Variants in PKP4 observed in about 807,000 individuals in gnomAD.
PKP4 encodes plakophilin 4.
Under a neutral mutation model 145.1 loss-of-function variants are expected in PKP4, and 90 were observed. The ratio of observed to expected loss-of-function variants is 0.62; its 90% CI spans 0.52 to 0.74. The LOEUF (loss-of-function observed/expected upper bound fraction) is 0.74, where lower values mean the gene tolerates loss of function less well. Ranked by LOEUF, PKP4 falls within the 30% of genes least tolerant of loss-of-function variation. The pLI is 0.00. For synonymous variants in PKP4, 563 were observed against 577.2 expected, an observed-to-expected ratio of 0.98 and a Z score of 0.35; for missense variants, 1,340 against 1,482.7, an observed-to-expected ratio of 0.90 and a Z score of 1.58.
At chr2:158,479,480 T>C (rs1693017467) in intron 1 of PKP4, among the ~76,000 whole-genome samples, 1 of 152,308 alleles carries the variant, frequency 6.6e-6, no homozygotes, top group South Asian at 2.1e-4. Context: ...CGCCTTAGCC[T>C]CCCAAAGTGC....
intron 4 of PKP4, among the ~76,000 whole-genome samples, chr2:158,606,348 A>T (rs893574246): frequency 6.6e-6 from 1 of 152,050 alleles, no homozygotes; most frequent in African/African-American, 2.4e-5. Context: ...CAAAAAAAAA[A>T]ATAATAATAA....
chr2:158,663,614 C>T (rs1192025536), intron 15 of PKP4, among the ~76,000 whole-genome samples, 169 bp downstream of exon 15: 2 of 152,164 alleles, frequency 1.3e-5, no homozygotes, highest in Admixed American at 6.5e-5. Flanking sequence ...CAAGCAGTTG[C>T]TCTGGGGATA....
intron 9 of PKP4, among the ~76,000 whole-genome samples, chr2:158,639,341 TGC>T (rs1553468394): frequency 1.3e-5 from 2 of 151,738 alleles, no homozygotes; most frequent in Non-Finnish European, 2.9e-5. Flanking sequence ...TGTGTGTGTG[TGC>T]GTGCGTGTGT....
chr2:158,483,447 A>C (rs1693677117), intron 1 of PKP4, among the ~76,000 whole-genome samples: 1 of 151,598 alleles, frequency 6.6e-6, no homozygotes, highest in South Asian at 2.1e-4. Flanking sequence ...CTGTTTCTAA[A>C]CTTTGATGAT....
intron 17 of PKP4, 30 bp downstream of exon 17, chr2:158,669,945 T>C: frequency 5.1e-6 from 8 of 1,558,236 alleles, no homozygotes; most frequent in Non-Finnish European, 5.3e-6. Context: ...GTGCAAGCAG[T>C]GCTCTTATTC....
At chr2:158,627,804 G>A (rs565731879) in intron 7 of PKP4, among the ~76,000 whole-genome samples, 4 of 151,358 alleles carry the variant, frequency 2.6e-5, no homozygotes, top group East Asian at 1.9e-4. Context: ...TGGAATCACC[G>A]TAATAATAGC....
At chr2:158,468,770 C>CTT (rs58577988) in intron 1 of PKP4, among the ~76,000 whole-genome samples, 72,701 of 109,838 alleles carry the variant, frequency 0.66, 25,345 homozygotes, top group East Asian at 0.86. Context: ...TCTTCTTCTT[C>CTT]TTTTTTTTTT....
Position 158,576,279 on chromosome 2 carries a change from GGTT to G in PKP4, c.133-988_133-986del, listed in dbSNP as rs1331611961. Among the ~76,000 whole-genome samples the G allele has an allele frequency of 2.9e-4, 44 of 152,186 alleles. No individual in the cohort carries two copies. In the South Asian group the frequency reaches 5.8e-3, roughly 20 times the overall value. On this transcript the variant is annotated intron_variant, in intron 2 of 21. Transcript: ENST00000389759. ...ACATATAATCATAAATAATATTTTA[GGTT>G]GTTTTATTTCTGAATAGTTTCTAGA...
At chr2:158,466,780 A>T (rs1210345224) in intron 1 of PKP4, among the ~76,000 whole-genome samples, 1 of 152,246 alleles carries the variant, frequency 6.6e-6, no homozygotes, top group African/African-American at 2.4e-5. Context: ...GATTATAACC[A>T]TAGTGAGATG....
chr2:158,629,537 A>C (rs79005924), intron 7 of PKP4, among the ~76,000 whole-genome samples: 6,461 of 152,182 alleles, frequency 0.042, 197 homozygotes, highest in Non-Finnish European at 0.061. Flanking sequence ...TGATTCGTTT[A>C]GTTTCTTTCC....
chr2:158,580,685 T>C (rs944781618), intron 3 of PKP4, among the ~76,000 whole-genome samples: 2 of 152,114 alleles, frequency 1.3e-5, no homozygotes, highest in Admixed American at 6.5e-5. Flanking sequence ...TATTATGAAA[T>C]TTTAAGGGTT....
intron 1 of PKP4, among the ~76,000 whole-genome samples, chr2:158,462,246 C>T (rs1689882328): frequency 6.6e-6 from 1 of 152,054 alleles, no homozygotes; most frequent in Non-Finnish European, 1.5e-5. Context: ...ACCTTATTAC[C>T]TTGACAAACC....
chr2:158,523,595 G>T (rs1011093644), intron 1 of PKP4, among the ~76,000 whole-genome samples: 1 of 115,088 alleles, frequency 8.7e-6, no homozygotes. Flanking sequence ...CCAAAGGAAC[G>T]CAGTTCCTCA....
intron 19 of PKP4, 65 bp downstream of exon 19, chr2:158,674,065 GAGA>G: frequency 1.1e-6 from 1 of 917,768 alleles, no homozygotes; most frequent in South Asian, 1.3e-5. Flanking sequence ...TCCCCAGCCA[GAGA>G]AGATCAAACA....
At chr2:158,471,192 G>A (rs4664963) in intron 1 of PKP4, among the ~76,000 whole-genome samples, 138,207 of 152,200 alleles carry the variant, frequency 0.91, 62,840 homozygotes, top group East Asian at 0.98. Flanking sequence ...GGACTTAAGC[G>A]TGGTAATGGA....
At chr2:158,680,124 G>A (rs2058340429) in intron 21 of PKP4, among the ~76,000 whole-genome samples, 1 of 152,198 alleles carries the variant, frequency 6.6e-6, no homozygotes, top group South Asian at 2.1e-4. Flanking sequence ...GCACACAGCA[G>A]GGCCTCCAGT....
Position 158,495,307 on chromosome 2 carries a change from G to T in PKP4, c.-5-37873G>T, listed in dbSNP as rs183973382. On this transcript the variant is annotated intron_variant, in intron 1 of 21. Transcript: ENST00000389759. The stretch of plus-strand genomic sequence containing the variant: ...ATGATAAAACCTCATGTGGATGAGC[G>T]TTGGCAAGTTGGACTCACATTGCTA... Among the ~76,000 whole-genome samples the T allele has an allele frequency of 1.1e-3, 173 of 150,752 alleles. 1 individual carries two copies. The highest frequency in any genetic ancestry group is 4.1e-3 in the African/African-American group (167 of 41,012).
chr2:158,530,517 T>C (rs2043435778), intron 1 of PKP4, among the ~76,000 whole-genome samples: 2 of 146,958 alleles, frequency 1.4e-5, no homozygotes, highest in African/African-American at 2.6e-5. Context: ...TTTTTTTTTT[T>C]TTTTTTTTTT....
chr2:158,574,156 C>T (rs2047646078), intron 2 of PKP4, among the ~76,000 whole-genome samples: 1 of 152,226 alleles, frequency 6.6e-6, no homozygotes, highest in African/African-American at 2.4e-5. Context: ...CACAGGTGAA[C>T]AGATTCCATT....
Sources: allele counts gnomAD v4.1 joint callset (sites outside exome capture counted in the v4.1 genomes callset), GRCh38; gene constraint gnomAD v4.1.1; transcripts MANE v1.5; gene names NCBI Gene and HGNC (gene_info 2026-07-23, HGNC 2026-07-21).